The following EPB41L2 variants were observed in gnomAD, a reference collection of about 807,000 sequenced individuals.
EPB41L2 encodes the protein band 4.1-like protein 2.
Under a neutral mutation model 113.0 loss-of-function variants are expected in EPB41L2, and 43 were observed. The ratio of observed to expected loss-of-function variants is 0.38; its 90% CI spans 0.30 to 0.49. The LOEUF is 0.49. Ranked by LOEUF, EPB41L2 falls within the 20% of genes least tolerant of loss-of-function variation. EPB41L2 has a pLI of 0.95. For synonymous variants in EPB41L2, 442 were observed against 436.7 expected, an observed-to-expected ratio of 1.01 and a Z score of -0.15; for missense variants, 1,147 against 1,223.4, an observed-to-expected ratio of 0.94 and a Z score of 0.93.
chr6:130,938,915 G>A (rs995984760), intron 3 of EPB41L2, among the ~76,000 whole-genome samples: 4 of 152,162 alleles, frequency 2.6e-5, no homozygotes, highest in Non-Finnish European at 5.9e-5. Flanking sequence ...GGAAGAAAAA[G>A]TAGGCAGGAA....
At chr6:130,987,969 G>A (rs540807631) in intron 1 of EPB41L2, among the ~76,000 whole-genome samples, 3 of 151,876 alleles carry the variant, frequency 2.0e-5, no homozygotes, top group East Asian at 3.9e-4. Flanking sequence ...TTAAAAATTA[G>A]CTGAGTGTTG....
intron 7 of EPB41L2, among the ~76,000 whole-genome samples, chr6:130,900,527 C>T (rs992135875): frequency 1.8e-4 from 28 of 152,182 alleles, no homozygotes; most frequent in African/African-American, 6.5e-4. Flanking sequence ...ACTATTCCTA[C>T]GTCCATCACC....
Position 131,032,875 on chromosome 6 carries a change from G to A in EPB41L2, c.-15+30280C>T, listed in dbSNP as rs148003623. On this transcript the variant is annotated intron_variant, in intron 1 of 19. Coordinates refer to ENST00000337057, the MANE Select transcript of EPB41L2 (RefSeq NM_001431.4). ...CAAAAAAAAATTTAAGGCTGGGCAC[G>A]GTGGCTCACGCTTGAAATCCCAGCA... 1.0e-3 allele frequency among the ~76,000 whole-genome samples: 152 copies of A among 152,186 alleles called. 1 individual carries two copies. In the East Asian group the frequency reaches 0.024, roughly 24 times the overall value.
At chr6:131,035,288 A>G (rs902179880) in intron 1 of EPB41L2, among the ~76,000 whole-genome samples, 2 of 152,250 alleles carry the variant, frequency 1.3e-5, no homozygotes, top group African/African-American at 2.4e-5. Flanking sequence ...AGGTGAATCA[A>G]TATGTAATAT....
rs151078730 is a variant in EPB41L2 at position 131,033,964 on chromosome 6, A to C, written c.-15+29191T>G. Among the ~76,000 whole-genome samples, 315 of 152,312 alleles carry C rather than the reference A, an allele frequency of 2.1e-3. 5 individuals carry two copies. The highest frequency in any genetic ancestry group is 7.1e-3 in the African/African-American group (295 of 41,564). On this transcript the variant is annotated intron_variant, in intron 1 of 19. Transcript: ENST00000337057. ...TTTTACATATTTTTGTATAGTTTTT[A>C]ATATATCTTTATATGTATTTTACCA...
rs184628835 is a variant in EPB41L2, at chr6:130,858,988, G to A, written c.2911-745C>T. 7.2e-5 allele frequency among the ~76,000 whole-genome samples: 11 copies of A among 152,330 alleles called. No individual in the cohort carries two copies. The East Asian group carries it at 1.9e-3, about 27-fold the overall frequency. ...AGGCCATCCAGCCTGTGAGCAGCAGGATAGGAGCAGGGAGGACCCAGAGGG... is the reference window on the plus strand; with the variant it reads ...AGGCCATCCAGCCTGTGAGCAGCAGAATAGGAGCAGGGAGGACCCAGAGGG... On this transcript the variant is annotated intron_variant, in intron 18 of 19. Transcript: ENST00000337057.
Position 130,839,792 on chromosome 6 carries a change from G to A in EPB41L2, c.*812C>T, listed in dbSNP as rs1266889464. 6.6e-6 allele frequency: 1 copy of A among 152,218 alleles called. No homozygotes were observed. The highest frequency in any genetic ancestry group is 1.5e-5 in the Non-Finnish European group (1 of 68,042). 9.4% of individuals were successfully genotyped at this position (152,218 alleles called of 1,614,324 possible). A position where few individuals can be genotyped will look rare whatever the true frequency, so the allele number is the denominator to read the frequency against. ...TTTAAGCTGCCTGAATCTTTTAGTA[G>A]AAGGGAAGAAAGTTTTCTCTTTCTC... On this transcript the variant is annotated 3_prime_UTR_variant, in exon 20 of 20. Transcript: ENST00000337057.
chr6:130,842,709 A>G (rs1287058512), intron 19 of EPB41L2, among the ~76,000 whole-genome samples: 1 of 152,216 alleles, frequency 6.6e-6, no homozygotes, highest in East Asian at 1.9e-4. Flanking sequence ...TGTAAAGAAA[A>G]GCTAAAATTA....
intron 3 of EPB41L2, among the ~76,000 whole-genome samples, chr6:130,942,942 C>T (rs1811391691): frequency 6.6e-6 from 1 of 152,204 alleles, no homozygotes; most frequent in East Asian, 1.9e-4. Flanking sequence ...TTTTTTATGG[C>T]TGCATAGTAT....
rs138332627 is a variant in EPB41L2 at position 130,866,974 on chromosome 6, TTG to T, written c.2730+483_2730+484del. 7.6e-3 allele frequency among the ~76,000 whole-genome samples: 1,140 copies of T among 149,742 alleles called. 17 individuals are homozygous for T. Among genetic ancestry groups the T allele is most frequent in the African/African-American group, 0.025 (1,010 of 40,982 alleles). On this transcript the variant is annotated intron_variant, in intron 16 of 19. Coordinates refer to ENST00000337057, the MANE Select transcript of EPB41L2 (RefSeq NM_001431.4). ...CACAGGTGTGTGTGCCTGTGTGTGT[TTG>T]TGTGTGTGTGTGTGTGTATGTGTGT... is the stretch of plus-strand genomic sequence containing the variant.
chr6:130,850,995 T>A (rs532997356), intron 19 of EPB41L2, among the ~76,000 whole-genome samples: 1 of 152,256 alleles, frequency 6.6e-6, no homozygotes, highest in South Asian at 2.1e-4. Flanking sequence ...TTTATTTCTA[T>A]GCAGAAGTCA....
intron 16 of EPB41L2, 22 bp from the exon 17 acceptor site, chr6:130,865,656 A>G: frequency 1.2e-6 from 2 of 1,608,400 alleles, no homozygotes; most frequent in Non-Finnish European, 1.7e-6. Context: ...TGGGGGAAAA[A>G]TACAAAGTAA....
chr6:130,895,080 T>G lies in EPB41L2; in HGVS notation c.1276A>C (p.Asn426His). 6.2e-7 allele frequency: 1 copy of G among 1,613,590 alleles called. No homozygotes were observed. The highest frequency in any genetic ancestry group is 8.5e-7 in the Non-Finnish European group (1 of 1,179,678). The change falls in exon 9 of 20, where the codon AAT becomes CAT. Residue 426 changes from asparagine to histidine, a missense_variant. Coordinates refer to ENST00000337057, the MANE Select transcript of EPB41L2 (RefSeq NM_001431.4). Reference sequence around the variant, plus strand: ...CTGTCTTTGTAAATGAGAAGTCCATTAGCACACACGCCCAGCTTGATGTCC... The same window carrying G: ...CTGTCTTTGTAAATGAGAAGTCCATGAGCACACACGCCCAGCTTGATGTCC... ...GVDIKLGVCA[N>H]GLLIYKDRLR...
At chr6:130,962,838 G>A (rs187055856) in intron 1 of EPB41L2, among the ~76,000 whole-genome samples, 1 of 152,044 alleles carries the variant, frequency 6.6e-6, no homozygotes, top group Middle Eastern at 3.2e-3. Flanking sequence ...GGCCTCAAGG[G>A]TAGCTTCTAT....
rs964450215 is a variant in EPB41L2, at chr6:131,036,564, C to T, written c.-15+26591G>A. On this transcript the variant is annotated intron_variant, in intron 1 of 19. Transcript: ENST00000337057. Reference sequence around the variant, plus strand: ...TGGGACAATGGGATGGGAATGGCAACCACAGTTCTTGCCTCAAGTTTTTAA... The same window carrying T: ...TGGGACAATGGGATGGGAATGGCAATCACAGTTCTTGCCTCAAGTTTTTAA... Among the ~76,000 whole-genome samples the T allele has an allele frequency of 2.0e-5, 3 of 152,120 alleles. No homozygotes were observed. In the East Asian group the frequency reaches 5.8e-4, roughly 29 times the overall value.
intron 1 of EPB41L2, among the ~76,000 whole-genome samples, chr6:131,032,537 C>A (rs1021259629): frequency 3.3e-5 from 5 of 152,230 alleles, no homozygotes; most frequent in African/African-American, 9.6e-5. Flanking sequence ...GGCAGAGTGA[C>A]CATCATCCCA....
At chr6:131,021,663 GAA>G (rs935447143) in intron 1 of EPB41L2, among the ~76,000 whole-genome samples, 1 of 145,326 alleles carries the variant, frequency 6.9e-6, no homozygotes, top group African/African-American at 2.5e-5. Flanking sequence ...TTCCGTCTGG[GAA>G]AAAAAAAAAG....
intron 1 of EPB41L2, among the ~76,000 whole-genome samples, chr6:130,960,060 G>A (rs1818824221): frequency 6.6e-6 from 1 of 152,128 alleles, no homozygotes; most frequent in Admixed American, 6.5e-5. Context: ...CCCATAATCT[G>A]TTTCTCAAAA....
At chr6:130,978,290 A>C (rs558101135) in intron 1 of EPB41L2, among the ~76,000 whole-genome samples, 1 of 152,368 alleles carries the variant, frequency 6.6e-6, no homozygotes, top group South Asian at 2.1e-4. Context: ...ACAAACCCAG[A>C]GTGTGGTGGG....
Sources: allele counts gnomAD v4.1 joint callset (sites outside exome capture counted in the v4.1 genomes callset), GRCh38; gene constraint gnomAD v4.1.1; transcripts MANE v1.5; gene names NCBI Gene and HGNC (gene_info 2026-07-23, HGNC 2026-07-21).